KIAA0319: variants seen among roughly 807,000 people sequenced by gnomAD.
KIAA0319 encodes the protein dyslexia-associated protein KIAA0319.
KIAA0319 carries 83 observed loss-of-function variants against 108.4 expected under a neutral mutation model. That is an observed-to-expected ratio of 0.77 (90% confidence interval 0.64 to 0.92). KIAA0319 has a LOEUF of 0.92. Among genes scored for constraint, KIAA0319 ranks in the 40% least tolerant of loss-of-function variants. The probability of loss-of-function intolerance (pLI) is 0.00; values close to 1 mark genes in which losing one functional copy is unlikely to be tolerated. For synonymous variants in KIAA0319, 484 were observed against 510.4 expected (o/e 0.95, Z 0.70); for missense variants, 1,195 against 1,322.4 (o/e 0.90, Z 1.49).
At chr6:24,571,378 CA>C (rs34896696) in intron 11 of KIAA0319, among the ~76,000 whole-genome samples, 70,237 of 118,628 alleles carry the variant, frequency 0.59, 18,764 homozygotes, top group Middle Eastern at 0.66. Context: ...CCCTGTCTCA[CA>C]AAAAAAAAAA....
intron 16 of KIAA0319, among the ~76,000 whole-genome samples, chr6:24,560,796 C>A (rs1276781908): frequency 1.3e-5 from 2 of 152,164 alleles, no homozygotes; most frequent in African/African-American, 4.8e-5. Flanking sequence ...AAAAGCCCAC[C>A]CTACTCCAGT....
chr6:24,586,147 C>G (rs187673993), intron 4 of KIAA0319, among the ~76,000 whole-genome samples: 124 of 152,298 alleles, frequency 8.1e-4, no homozygotes, highest in African/African-American at 2.6e-3. Context: ...TCATCAGGAC[C>G]TCCTGAGGCT....
chr6:24,630,654 G>A (rs973460184), intron 1 of KIAA0319, among the ~76,000 whole-genome samples: 13 of 144,826 alleles, frequency 9.0e-5, no homozygotes, highest in South Asian at 2.1e-4. Context: ...TTAGATTCTC[G>A]TTCCATTTAT....
chr6:24,634,984 C>T (rs1776012294), intron 1 of KIAA0319, among the ~76,000 whole-genome samples: 1 of 152,180 alleles, frequency 6.6e-6, no homozygotes, highest in Non-Finnish European at 1.5e-5. Context: ...CTCTCAAGCT[C>T]TGCAAATCAG....
chr6:24,564,421 T>C lies in KIAA0319; in HGVS notation c.2293-81A>G, dbSNP rs903415589. On this transcript the variant is annotated intron_variant, in intron 14 of 20. Coordinates refer to ENST00000378214, the MANE Select transcript of KIAA0319 (RefSeq NM_014809.4). The stretch of plus-strand genomic sequence containing the variant: ...GGCTTCTGTTGATCCTAAACCTCAG[T>C]GTCCCATCTTTTTAACACAGGCGTG... 17 of 1,565,048 alleles carry C rather than the reference T, an allele frequency of 1.1e-5. No individual in the cohort carries two copies. In the East Asian group the frequency reaches 3.8e-4, roughly 35 times the overall value.
intron 1 of KIAA0319, among the ~76,000 whole-genome samples, chr6:24,640,262 A>C (rs1293827159): frequency 6.6e-6 from 1 of 152,194 alleles, no homozygotes; most frequent in African/African-American, 2.4e-5. Context: ...AGGCATGCAC[A>C]GTGAGCAAGA....
At chr6:24,603,352 T>G (rs1276742693) in intron 1 of KIAA0319, among the ~76,000 whole-genome samples, 2 of 152,174 alleles carry the variant, frequency 1.3e-5, no homozygotes, top group African/African-American at 4.8e-5. Flanking sequence ...GTACTCCAAG[T>G]GCTTATTATT....
intron 3 of KIAA0319, 51 bp from the exon 4 acceptor site, chr6:24,588,836 A>G (rs1479839193): frequency 6.9e-7 from 1 of 1,449,026 alleles, no homozygotes; most frequent in Non-Finnish European, 9.6e-7. Context: ...AAACAGTCCA[A>G]CTCTTCAAGC....
intron 5 of KIAA0319, among the ~76,000 whole-genome samples, chr6:24,582,548 G>T (rs2127488005): frequency 6.8e-6 from 1 of 146,586 alleles, no homozygotes; most frequent in East Asian, 2.0e-4. Context: ...ATCATCTTAT[G>T]AACTTGACTT....
At chr6:24,603,275 G>A (rs1770911185) in intron 1 of KIAA0319, among the ~76,000 whole-genome samples, 1 of 152,124 alleles carries the variant, frequency 6.6e-6, no homozygotes, top group African/African-American at 2.4e-5. Context: ...TAGAATTGAG[G>A]TTCAAAAAAG....
chr6:24,572,674 A>T lies in KIAA0319; in HGVS notation c.1759T>A (p.Leu587Ile). 1 of 1,613,754 alleles carries T rather than the reference A, an allele frequency of 6.2e-7. No homozygotes were observed. Among genetic ancestry groups the T allele is most frequent in the Non-Finnish European group, 8.5e-7 (1 of 1,179,854 alleles). ...MQGVQTPYLH[L>I]SAMQEGDYTF... ...TAATCTCCTTCCTGCATTGCAGATA[A>T]ATGAAGGTATGGCGTCTGTACTCCC... Residue 587 changes from leucine (L) to isoleucine (I), a missense_variant, in exon 11 of 21, where the codon TTA (leucine) becomes ATA (isoleucine). Leu to Ile is a conservative substitution (Grantham distance 5). Coordinates refer to ENST00000378214, the MANE Select transcript of KIAA0319 (RefSeq NM_014809.4).
At chr6:24,608,150 G>A (rs1771699633) in intron 1 of KIAA0319, among the ~76,000 whole-genome samples, 1 of 152,026 alleles carries the variant, frequency 6.6e-6, no homozygotes, top group African/African-American at 2.4e-5. Flanking sequence ...ACCTAAGGCT[G>A]ACTTTAACAA....
chr6:24,599,805 C>T lies in KIAA0319; in HGVS notation c.55+1244G>A. The T allele has an allele frequency of 2.1e-6, 1 of 468,544 alleles. No homozygotes were observed. The highest frequency in any genetic ancestry group is 4.1e-6 in the Non-Finnish European group (1 of 246,084). The allele number at this position is 468,544 out of a possible 1,614,324, so 29.0% of individuals were successfully genotyped here. The stretch of plus-strand genomic sequence containing the variant: ...GCCCAAGTGAATGGCCACAGCAGCC[C>T]CTCCCAGCCTACCCCCTCCTGTGAC... On this transcript the variant is annotated intron_variant, in intron 2 of 20. Transcript: ENST00000378214. The surrounding 1 kb of genome is among the most constrained non-coding windows in gnomAD (Gnocchi z 4.1).
At chr6:24,623,222 CACAA>C (rs1204847735) in intron 1 of KIAA0319, among the ~76,000 whole-genome samples, 1 of 151,926 alleles carries the variant, frequency 6.6e-6, no homozygotes, top group Non-Finnish European at 1.5e-5. Context: ...TGCACATGAA[CACAA>C]ACACACACAT....
At chr6:24,578,048 A>G in intron 9 of KIAA0319, 62 bp downstream of exon 9, 1 of 1,516,288 alleles carries the variant, frequency 6.6e-7, no homozygotes, top group Non-Finnish European at 8.9e-7. Context: ...ATGTGCGTTA[A>G]TTTAAAGAAA....
At position 24,579,858 on chromosome 6, in the gene KIAA0319, G is replaced by A. The variant is rs371113169; in HGVS notation, c.1372C>T (p.Gln458Ter). The change falls in exon 8 of 21, where the codon CAA becomes TAA. Residue 458 changes from glutamine to a stop codon, truncating the protein, a stop_gained and splice_region_variant. Coordinates refer to ENST00000378214, the MANE Select transcript of KIAA0319 (RefSeq NM_014809.4). LOFTEE classifies it high-confidence loss of function. Reference sequence around the variant, plus strand: ...CCCTAAACTATCTCAGGATACACACGGCTGCCATCAATGAGGGCTGACGTC... The same window carrying A: ...CCCTAAACTATCTCAGGATACACACAGCTGCCATCAATGAGGGCTGACGTC... ...PLTSALIDGS[Q>*]STDDTEIVSY... 1.9e-5 allele frequency: 30 copies of A among 1,597,850 alleles called. No homozygotes were observed. The highest frequency in any genetic ancestry group is 2.7e-5 in the African/African-American group (2 of 74,556).
chr6:24,612,965 A>AT (rs1261312944), intron 1 of KIAA0319, among the ~76,000 whole-genome samples: 4 of 151,932 alleles, frequency 2.6e-5, no homozygotes, highest in Admixed American at 1.3e-4. Flanking sequence ...CGCCCGACTA[A>AT]TTTTTTTGTA....
chr6:24,566,737 G>T lies in KIAA0319; in HGVS notation c.2152C>A (p.Pro718Thr). The change falls in exon 14 of 21, where the codon CCT becomes ACT. Residue 718 changes from proline to threonine, a missense_variant. Pro to Thr is a conservative substitution (Grantham distance 38, BLOSUM62 -1). Transcript: ENST00000378214. ...TVAVKKENNS[P>T]PRARAGGRHV... The stretch of plus-strand genomic sequence containing the variant: ...CTGCCACCAGCCCGGGCTCTGGGAG[G>T]ACTATTATTTTCTAAGTCAAATATA... 1 of 1,606,708 alleles carries T rather than the reference G, an allele frequency of 6.2e-7. No individual in the cohort carries two copies. The highest frequency in any genetic ancestry group is 8.5e-7 in the Non-Finnish European group (1 of 1,177,634).
chr6:24,552,762 C>A (rs1366518596), intron 19 of KIAA0319, among the ~76,000 whole-genome samples: 2 of 152,140 alleles, frequency 1.3e-5, no homozygotes, highest in South Asian at 4.1e-4. Flanking sequence ...TGCACCACCA[C>A]GCCCAGCTAA....
Sources: allele counts gnomAD v4.1 joint callset (sites outside exome capture counted in the v4.1 genomes callset), GRCh38; gene constraint gnomAD v4.1.1; non-coding constraint Gnocchi (gnomAD v3.1); transcripts MANE v1.5; gene names NCBI Gene and HGNC (gene_info 2026-07-23, HGNC 2026-07-21).